Variants in BAZ2B observed in about 807,000 individuals in gnomAD.
BAZ2B encodes bromodomain adjacent to zinc finger domain protein 2B.
Under a neutral mutation model 246.0 loss-of-function variants are expected in BAZ2B, and 91 were observed. The observed-to-expected ratio is 0.37, with a 90% confidence interval of 0.31 to 0.44. The LOEUF (loss-of-function observed/expected upper bound fraction) is 0.44, where lower values mean the gene tolerates loss of function less well. BAZ2B is among the 20% of genes least tolerant of loss of function. BAZ2B has a pLI of 1.00. For missense variants in BAZ2B, 2,332 were observed against 2,533.7 expected (o/e 0.92, Z 1.71); for synonymous variants, 855 against 860.0 (o/e 0.99, Z 0.10).
chr2:159,664,936 ACATGAAGTCCTTGCCC>A, the BAZ2B span, among the ~76,000 whole-genome samples: 1 of 151,506 alleles, frequency 6.6e-6, no homozygotes, highest in Non-Finnish European at 1.5e-5. Context: ...GGTGTTTTGG[ACATGAAGTCCTTGCCC>A]CATCGTCTCA....
At chr2:159,528,559 T>C (rs191340279) in intron 2 of BAZ2B, among the ~76,000 whole-genome samples, 1 of 151,908 alleles carries the variant, frequency 6.6e-6, no homozygotes, top group African/African-American at 2.4e-5. Context: ...GGTGAGTGCC[T>C]GTAATCCCAG....
chr2:159,687,150 T>C, the BAZ2B span, among the ~76,000 whole-genome samples: 1 of 152,198 alleles, frequency 6.6e-6, no homozygotes, highest in African/African-American at 2.4e-5. Context: ...TTTTTTTCTT[T>C]TTCAACTGTG....
intron 2 of BAZ2B, among the ~76,000 whole-genome samples, chr2:159,509,644 T>C (rs922728615): frequency 6.6e-6 from 1 of 152,174 alleles, no homozygotes; most frequent in African/African-American, 2.4e-5. Context: ...AAAAAGTTAA[T>C]GTAAAATTAC....
At chr2:159,687,536 G>C in the BAZ2B span, among the ~76,000 whole-genome samples, 1 of 152,208 alleles carries the variant, frequency 6.6e-6, no homozygotes, top group East Asian at 1.9e-4. Context: ...GCATTAACAT[G>C]CCAGGAGGCA....
chr2:159,624,894 G>A, the BAZ2B span, among the ~76,000 whole-genome samples: 1 of 152,124 alleles, frequency 6.6e-6, no homozygotes, highest in East Asian at 1.9e-4. Flanking sequence ...TGAGCTAAAG[G>A]AGCATGTTCT....
At chr2:159,349,381 CT>C (rs2058323863) in intron 28 of BAZ2B, 101 bp from the exon 29 acceptor site, 13 of 1,217,862 alleles carry the variant, frequency 1.1e-5, no homozygotes, top group African/African-American at 1.5e-5. Context: ...AAAAAATATT[CT>C]TTCATTTATT....
At chr2:159,602,954 T>C (rs1221595691) in intron 1 of BAZ2B, among the ~76,000 whole-genome samples, 1 of 152,108 alleles carries the variant, frequency 6.6e-6, no homozygotes, top group Non-Finnish European at 1.5e-5. Context: ...CAGGTCAATA[T>C]AGTGAAACCC....
At chr2:159,619,318 A>G (rs1022246494), upstream of BAZ2B, among the ~76,000 whole-genome samples, 4 of 151,822 alleles carry the variant, frequency 2.6e-5, no homozygotes, top group Non-Finnish European at 5.9e-5. Flanking sequence ...AAAGGTTGGA[A>G]AAAAGGGGAA....
the BAZ2B span, among the ~76,000 whole-genome samples, chr2:159,638,512 G>A: frequency 6.6e-6 from 1 of 152,168 alleles, no homozygotes; most frequent in Non-Finnish European, 1.5e-5. Context: ...ACACAGATAA[G>A]TCATTCAGAA....
intron 2 of BAZ2B, among the ~76,000 whole-genome samples, chr2:159,551,193 GGC>G (rs2151440032): frequency 6.6e-6 from 1 of 152,242 alleles, no homozygotes; most frequent in African/African-American, 2.4e-5. Flanking sequence ...TTGCCGGCCG[GGC>G]ACGGTGGCTC....
Position 159,536,351 on chromosome 2 carries a change from T to C in BAZ2B, c.-3+19472A>G, listed in dbSNP as rs2085988970. 7.9e-5 allele frequency: 12 copies of C among 152,340 alleles called. 1 individual carries two copies. In the South Asian group the frequency reaches 2.5e-3, roughly 32 times the overall value. 9.4% of individuals were successfully genotyped at this position (152,340 alleles called of 1,614,324 possible). Reference sequence around the variant, plus strand: ...ACCAGGGCTCTCAGATCAGCCACAATCAAATACTTTAAATGGAAAATTTTC... The same window carrying C: ...ACCAGGGCTCTCAGATCAGCCACAACCAAATACTTTAAATGGAAAATTTTC... On this transcript the variant is annotated intron_variant, in intron 2 of 36. Coordinates refer to ENST00000392783, the MANE Select transcript of BAZ2B (RefSeq NM_013450.4).
chr2:159,326,635 G>A (rs1337178562), intron 34 of BAZ2B, among the ~76,000 whole-genome samples: 1 of 151,034 alleles, frequency 6.6e-6, no homozygotes, highest in Non-Finnish European at 1.5e-5. Context: ...CTAACTTTAA[G>A]CAAAAATATT....
intron 34 of BAZ2B, among the ~76,000 whole-genome samples, chr2:159,329,823 T>G (rs935835776): frequency 6.6e-6 from 1 of 152,198 alleles, no homozygotes; most frequent in Non-Finnish European, 1.5e-5. Flanking sequence ...ATCTTATGTC[T>G]CCAAGTTTAC....
At chr2:159,601,270 A>G (rs1692065062) in intron 1 of BAZ2B, among the ~76,000 whole-genome samples, 1 of 152,192 alleles carries the variant, frequency 6.6e-6, no homozygotes, top group Non-Finnish European at 1.5e-5. Context: ...GTAAACAAGC[A>G]TTACCAGTTT....
In BAZ2B at chr2:159,373,002, T is replaced by C. The variant is rs546754150; in HGVS notation, c.4213+43A>G. ...AGAAGTAACAGAGTTTTAAAATATA[T>C]AGTTTCTTATTTAACAATTTGTATC... On this transcript the variant is annotated intron_variant, in intron 27 of 36. Transcript: ENST00000392783. 5.8e-6 allele frequency: 9 copies of C among 1,551,730 alleles called. No individual in the cohort carries two copies. The African/African-American group carries it at 9.7e-5, about 17-fold the overall frequency.
At chr2:159,675,001 T>C in the BAZ2B span, among the ~76,000 whole-genome samples, 3 of 152,062 alleles carry the variant, frequency 2.0e-5, no homozygotes, top group African/African-American at 7.2e-5. Flanking sequence ...AATGAGTAAA[T>C]ATATAAAACG....
intron 27 of BAZ2B, among the ~76,000 whole-genome samples, chr2:159,357,850 G>A (rs1375336946): frequency 1.3e-5 from 2 of 152,076 alleles, no homozygotes; most frequent in East Asian, 3.9e-4. Flanking sequence ...CCAGAATTTT[G>A]TCTCCAGCCA....
At chr2:159,498,012 A>C (rs2081335871) in intron 2 of BAZ2B, among the ~76,000 whole-genome samples, 1 of 152,152 alleles carries the variant, frequency 6.6e-6, no homozygotes, top group Non-Finnish European at 1.5e-5. Flanking sequence ...TTTAGCTTCT[A>C]CCCAGGAAGC....
chr2:159,443,958 A>G (rs1189452468), intron 6 of BAZ2B, among the ~76,000 whole-genome samples: 3 of 152,210 alleles, frequency 2.0e-5, no homozygotes, highest in African/African-American at 7.2e-5. Flanking sequence ...ACTTGATTTT[A>G]GCACTACTTC....
Sources: allele counts gnomAD v4.1 joint callset (sites outside exome capture counted in the v4.1 genomes callset), GRCh38; gene constraint gnomAD v4.1.1; transcripts MANE v1.5; gene names NCBI Gene and HGNC (gene_info 2026-07-23, HGNC 2026-07-21).